ERC1: variants seen among roughly 807,000 people sequenced by gnomAD.
The protein encoded by ERC1 is ELKS/RAB6-interacting/CAST family member 1.
ERC1 carries 56 observed loss-of-function variants against 132.0 expected under a neutral mutation model. The observed-to-expected ratio is 0.42, with a 90% confidence interval of 0.34 to 0.53. The LOEUF (loss-of-function observed/expected upper bound fraction) is 0.53. ERC1 is among the 20% of genes least tolerant of loss of function. The pLI is 0.03. For synonymous variants in ERC1, 478 were observed against 476.1 expected (o/e 1.00, Z -0.05); for missense variants, 1,202 against 1,349.9 (o/e 0.89, Z 1.72).
At chr12:1,481,525 G>A (rs115016223) in intron 18 of ERC1, among the ~76,000 whole-genome samples, 2,737 of 152,304 alleles carry the variant, frequency 0.018, 88 homozygotes, top group African/African-American at 0.062. Flanking sequence ...AATGGATCAA[G>A]CGCCAATGAA....
At chr12:1,056,996 T>G (rs545461053) in intron 2 of ERC1, among the ~76,000 whole-genome samples, 1 of 152,316 alleles carries the variant, frequency 6.6e-6, no homozygotes, top group East Asian at 1.9e-4. Flanking sequence ...AGGAAATTAG[T>G]AAATATTTGA....
At chr12:1,480,845 T>C in intron 18 of ERC1, 1 of 702,434 alleles carries the variant, frequency 1.4e-6, no homozygotes, top group South Asian at 1.5e-5. Context: ...ATCCACAGAA[T>C]CCGTTGCATC....
At chr12:1,114,267 C>T (rs1167824101) in intron 6 of ERC1, among the ~76,000 whole-genome samples, 1 of 152,106 alleles carries the variant, frequency 6.6e-6, no homozygotes. Context: ...GTGATCCACC[C>T]GCCTCGGCCT....
chr12:1,393,755 T>C (rs576009782), intron 16 of ERC1, among the ~76,000 whole-genome samples: 28 of 151,520 alleles, frequency 1.8e-4, no homozygotes, highest in African/African-American at 6.3e-4. Flanking sequence ...TTGCCAGGCA[T>C]GGTGGCTCAT....
In ERC1 at chr12:1,083,366, T is replaced by C. The variant is rs749218271; in HGVS notation, c.872T>C (p.Met291Thr). The C allele has an allele frequency of 3.7e-6, 6 of 1,614,102 alleles. No individual in the cohort carries two copies. Among genetic ancestry groups the C allele is most frequent in the Non-Finnish European group, 5.1e-6 (6 of 1,180,010 alleles). ...LFLLRKTLEEMELRIETQKQT... is the reference protein window; with the variant it reads ...LFLLRKTLEETELRIETQKQT... ...CTTCTTCGAAAGACATTGGAGGAAATGGAGCTGCGTATTGAGACTCAAAAG... is the reference window on the plus strand; with the variant it reads ...CTTCTTCGAAAGACATTGGAGGAAACGGAGCTGCGTATTGAGACTCAAAAG... Residue 291 changes from methionine (M) to threonine (T), a missense_variant, in exon 3 of 19, where the codon ATG (methionine) becomes ACG (threonine). Met to Thr is a moderately conservative substitution (Grantham distance 81, BLOSUM62 -1). Coordinates refer to ENST00000360905, the MANE Select transcript of ERC1 (RefSeq NM_178040.4).
At chr12:1,392,204 G>A (rs2090033806) in intron 16 of ERC1, among the ~76,000 whole-genome samples, 1 of 152,108 alleles carries the variant, frequency 6.6e-6, no homozygotes, top group South Asian at 2.1e-4. Context: ...AAACGTCATG[G>A]CTGGGGGATT....
At chr12:1,120,074 A>G (rs1946908697) in intron 7 of ERC1, among the ~76,000 whole-genome samples, 1 of 151,876 alleles carries the variant, frequency 6.6e-6, no homozygotes, top group Admixed American at 6.6e-5. Flanking sequence ...TGTAACCTTG[A>G]ACTTCTGGGC....
At chr12:1,252,879 T>A (rs1332426426) in intron 13 of ERC1, among the ~76,000 whole-genome samples, 1 of 152,234 alleles carries the variant, frequency 6.6e-6, no homozygotes, top group Non-Finnish European at 1.5e-5. Flanking sequence ...TGTTGAATGA[T>A]TTTAATGAAA....
chr12:1,083,645 A>G (rs1049003148), intron 3 of ERC1, 65 bp downstream of exon 3: 24 of 1,291,858 alleles, frequency 1.9e-5, no homozygotes, highest in Middle Eastern at 1.9e-4. Flanking sequence ...ATTAATCAGC[A>G]TCTTGGCCCC....
chr12:1,328,171 G>C (rs931824482), intron 15 of ERC1, among the ~76,000 whole-genome samples: 4 of 151,982 alleles, frequency 2.6e-5, no homozygotes, highest in African/African-American at 9.7e-5. Context: ...TTTGGAGATG[G>C]TGTCTCATTC....
chr12:1,150,425 A>G (rs1186677440), intron 8 of ERC1, among the ~76,000 whole-genome samples: 6 of 152,228 alleles, frequency 3.9e-5, no homozygotes, highest in Admixed American at 3.9e-4. Flanking sequence ...TCTTCAAACC[A>G]TTACATATAA....
intron 16 of ERC1, among the ~76,000 whole-genome samples, chr12:1,383,965 G>A (rs1342296882): frequency 1.3e-5 from 2 of 151,974 alleles, no homozygotes; most frequent in Non-Finnish European, 2.9e-5. Flanking sequence ...CCTAAGTCCC[G>A]TAGCTCATAA....
intron 14 of ERC1, among the ~76,000 whole-genome samples, chr12:1,277,607 A>C (rs1435420766): frequency 6.6e-6 from 1 of 152,218 alleles, no homozygotes; most frequent in African/African-American, 2.4e-5. Flanking sequence ...GTAGCTAAGC[A>C]GTCCAAAAGT....
rs143485606 is a variant in ERC1 at position 1,028,417 on chromosome 12, G to A, written c.514G>A (p.Val172Met). 1.1e-5 allele frequency: 17 copies of A among 1,614,060 alleles called. No homozygotes were observed. The African/African-American group carries it at 1.3e-4, about 13-fold the overall frequency. The change falls in exon 2 of 19, where the codon GTG becomes ATG. Residue 172 changes from valine (V) to methionine (M), a missense_variant. Val to Met is a conservative substitution (Grantham distance 21). Coordinates refer to ENST00000360905, the MANE Select transcript of ERC1 (RefSeq NM_178040.4). ...AGAAAATGATCTCTTGCGGAAGGAT[G>A]TGGAAGTAAAGGAGAGCAAATTGAG... The part of the protein sequence containing the change: ...LRENDLLRKD[V>M]EVKESKLSSS...
At chr12:1,011,044 A>T (rs941729354) in intron 1 of ERC1, among the ~76,000 whole-genome samples, 1 of 152,176 alleles carries the variant, frequency 6.6e-6, no homozygotes, top group Non-Finnish European at 1.5e-5. Context: ...TATTGGAAAT[A>T]ATGAAAAATT....
rs1328906782 is a variant in ERC1, at chr12:1,408,251, A to G, written c.3024+4A>G. 4 of 1,606,316 alleles carry G rather than the reference A, an allele frequency of 2.5e-6. No homozygotes were observed. The highest frequency in any genetic ancestry group is 1.1e-5 in the South Asian group (1 of 90,562). ...TCACAAGCCCTCCCCAGACCAGGTA[A>G]GATGGCTCTGGAATGTTTTATTAAA... On this transcript the variant is annotated splice_donor_region_variant and intron_variant, in intron 17 of 18. Transcript: ENST00000360905.
At chr12:1,446,281 G>A (rs2093302047) in intron 18 of ERC1, among the ~76,000 whole-genome samples, 1 of 152,158 alleles carries the variant, frequency 6.6e-6, no homozygotes, top group Non-Finnish European at 1.5e-5. Flanking sequence ...CAGGCATACA[G>A]TACAGACATG....
At chr12:1,165,470 G>A (rs112552734) in intron 8 of ERC1, among the ~76,000 whole-genome samples, 7 of 151,708 alleles carry the variant, frequency 4.6e-5, no homozygotes, top group East Asian at 1.9e-4. Flanking sequence ...CATGCCCGGC[G>A]AATTTTTTTG....
At chr12:1,406,897 ATTATCT>A (rs1467444926) in intron 16 of ERC1, among the ~76,000 whole-genome samples, 2 of 152,082 alleles carry the variant, frequency 1.3e-5, no homozygotes, top group African/African-American at 2.4e-5. Flanking sequence ...GAAAACCCAA[ATTATCT>A]TTAGTGAGTA....
Sources: allele counts gnomAD v4.1 joint callset (sites outside exome capture counted in the v4.1 genomes callset), GRCh38; gene constraint gnomAD v4.1.1; transcripts MANE v1.5; gene names NCBI Gene and HGNC (gene_info 2026-07-23, HGNC 2026-07-21).